ADAMTS15: variants seen among roughly 807,000 people sequenced by gnomAD.
ADAMTS15 encodes the protein A disintegrin and metalloproteinase with thrombospondin motifs 15.
In ADAMTS15, 35 loss-of-function variants were observed where a neutral mutation model predicts 79.1. That is an observed-to-expected ratio of 0.44 (90% CI 0.34 to 0.59). The LOEUF is 0.59. Among genes scored for constraint, ADAMTS15 ranks in the 20% least tolerant of loss-of-function variants. The pLI is 0.02. For missense variants in ADAMTS15, 1,324 were observed against 1,318.7 expected (o/e 1.00, Z -0.06); for synonymous variants, 616 against 567.3 (o/e 1.09, Z -1.22).
chr11:130,473,446 C>T lies in ADAMTS15; in HGVS notation c.2478C>T (p.Leu826=), dbSNP rs763378118. ...CCTCTGTCTTGCACAACAGCGTCCT[C>T]AGCCTCTCCAACCAGGTGGAGCAGC... The part of the protein sequence containing the change: ...RGPSVLHNSV[L]SLSNQVEQPD... The change falls in exon 8 of 8, where the codon CTC becomes CTT. Residue 826 remains leucine (L), a synonymous_variant. Transcript: ENST00000299164. 2 of 1,612,726 alleles carry T rather than the reference C, an allele frequency of 1.2e-6. No individual in the cohort carries two copies. Among genetic ancestry groups the T allele is most frequent in the Non-Finnish European group, 1.7e-6 (2 of 1,179,956 alleles).
Position 130,473,800 on chromosome 11 carries a change from C to T in ADAMTS15, c.2832C>T (p.Phe944=), listed in dbSNP as rs1373003727. Reference sequence around the variant, plus strand: ...ACCGCAAGCCCCAGGAGCTGGACTTCTGCGTCCTGAGGCCGTGCTGAGTGG... The same window carrying T: ...ACCGCAAGCCCCAGGAGCTGGACTTTTGCGTCCTGAGGCCGTGCTGAGTGG... ...NLHRKPQELD[F]CVLRPC The change falls in exon 8 of 8, where the codon TTC becomes TTT. Residue 944 remains phenylalanine, a synonymous_variant. Coordinates refer to ENST00000299164, the MANE Select transcript of ADAMTS15 (RefSeq NM_139055.4). 6.3e-7 allele frequency: 1 copy of T among 1,597,598 alleles called. No homozygotes were observed. Among genetic ancestry groups the T allele is most frequent in the East Asian group, 2.2e-5 (1 of 44,838 alleles).
chr11:130,462,533 C>G lies in ADAMTS15; in HGVS notation c.1295C>G (p.Ser432Cys). The change falls in exon 4 of 8, where the codon TCC (serine) becomes TGC (cysteine). Residue 432 changes from serine (S) to cysteine (C), a missense_variant. Transcript: ENST00000299164. The surrounding 1 kb of genome is among the most constrained non-coding windows in gnomAD (Gnocchi z 4.3). ...CLLDQPSKPISLPEDLPGASY... is the reference protein window; with the variant it reads ...CLLDQPSKPICLPEDLPGASY... Reference sequence around the variant, plus strand: ...CTGGACCAACCCAGCAAGCCCATCTCCCTGCCCGAGGATCTGCCGGGCGCC... The same window carrying G: ...CTGGACCAACCCAGCAAGCCCATCTGCCTGCCCGAGGATCTGCCGGGCGCC... 1 of 1,606,794 alleles carries G rather than the reference C, an allele frequency of 6.2e-7. No homozygotes were observed. Among genetic ancestry groups the G allele is most frequent in the Non-Finnish European group, 8.5e-7 (1 of 1,174,830 alleles).
intron 4 of ADAMTS15, among the ~76,000 whole-genome samples, chr11:130,467,062 G>C (rs936695474): frequency 2.6e-5 from 4 of 152,226 alleles, no homozygotes; most frequent in Admixed American, 2.6e-4. Flanking sequence ...ACTTCCACAA[G>C]TGTTTGGTGA....
chr11:130,470,765 C>A (rs1008830690), intron 5 of ADAMTS15, among the ~76,000 whole-genome samples, 155 bp from the exon 6 acceptor site: 57 of 152,096 alleles, frequency 3.7e-4, no homozygotes, highest in African/African-American at 1.4e-3. Flanking sequence ...TTGGGCCCAG[C>A]CTGCTTTAGT....
chr11:130,466,643 G>T (rs2134732402), intron 4 of ADAMTS15, among the ~76,000 whole-genome samples: 1 of 152,222 alleles, frequency 6.6e-6, no homozygotes, highest in South Asian at 2.1e-4. Flanking sequence ...GCCTCCAACT[G>T]GTCTCCCTGC....
rs57734988 is a variant in ADAMTS15 at position 130,462,061 on chromosome 11, C to T, written c.1091-26C>T. On this transcript the variant is annotated intron_variant, in intron 2 of 7. Coordinates refer to ENST00000299164, the MANE Select transcript of ADAMTS15 (RefSeq NM_139055.4). This position sits in a 1 kb window ranked among gnomAD's most constrained non-coding sequence, Gnocchi z 4.3. ...ACCCCCATGTCCTTCCTCCTGCCCT[C>T]TCAGTCCTCTTGCCTTACCCCACAG... is the stretch of plus-strand genomic sequence containing the variant. The T allele has an allele frequency of 1.1e-3, 1,777 of 1,600,662 alleles. 35 individuals are homozygous for T. The East Asian group carries it at 0.027, about 24-fold the overall frequency.
chr11:130,449,116 C>A lies in ADAMTS15; in HGVS notation c.143C>A (p.Ser48Tyr), dbSNP rs1433313938. The change falls in exon 1 of 8, where the codon TCC (serine) becomes TAC (tyrosine). Residue 48 changes from serine to tyrosine, a missense_variant. Transcript: ENST00000299164. The surrounding 1 kb of genome is among the most constrained non-coding windows in gnomAD (Gnocchi z 7.8). ...TACTACTGGCGGGGTCCCGAGGACT[C>A]CGGGGATCAGGGACTCATTTTTCAG... Reference protein sequence around the residue: ...RRYYWRGPEDSGDQGLIFQIT... With the variant: ...RRYYWRGPEDYGDQGLIFQIT... 1.9e-6 allele frequency: 3 copies of A among 1,589,210 alleles called. No homozygotes were observed. Among genetic ancestry groups the A allele is most frequent in the Non-Finnish European group, 2.6e-6 (3 of 1,163,992 alleles).
rs1424290375 is a variant in ADAMTS15, at chr11:130,473,813, C to G, written c.2845C>G (p.Pro949Ala). The G allele has an allele frequency of 6.3e-7, 1 of 1,594,564 alleles. No homozygotes were observed. Among genetic ancestry groups the G allele is most frequent in the Admixed American group, 1.7e-5 (1 of 59,814 alleles). Reference sequence around the variant, plus strand: ...GGAGCTGGACTTCTGCGTCCTGAGGCCGTGCTGAGTGGGGTCATCGCTTTC... The same window carrying G: ...GGAGCTGGACTTCTGCGTCCTGAGGGCGTGCTGAGTGGGGTCATCGCTTTC... The part of the protein sequence containing the change: ...PQELDFCVLR[P>A]C Residue 949 changes from proline to alanine, a missense_variant, in exon 8 of 8, where the codon CCG becomes GCG. Transcript: ENST00000299164.
chr11:130,451,338 T>C (rs938422446), intron 1 of ADAMTS15, among the ~76,000 whole-genome samples: 1 of 152,210 alleles, frequency 6.6e-6, no homozygotes, highest in Non-Finnish European at 1.5e-5. Flanking sequence ...TTGGCACAGC[T>C]AGTCCCTTCC....
Position 130,462,314 on chromosome 11 carries a change from CT to C in ADAMTS15, c.1258+61del, listed in dbSNP as rs1334287510. 2.6e-6 allele frequency: 4 copies of C among 1,545,250 alleles called. No homozygotes were observed. Among genetic ancestry groups the C allele is most frequent in the Non-Finnish European group, 3.5e-6 (4 of 1,144,166 alleles). On this transcript the variant is annotated intron_variant, in intron 3 of 7. Coordinates refer to ENST00000299164, the MANE Select transcript of ADAMTS15 (RefSeq NM_139055.4). This position sits in a 1 kb window ranked among gnomAD's most constrained non-coding sequence, Gnocchi z 4.3. The stretch of plus-strand genomic sequence containing the variant: ...CTCGGAGGGGGCTTTGCTGCTGCCC[CT>C]GGTGGAGGTGCTCACTTCTCCGTCC...
chr11:130,473,727 G>C lies in ADAMTS15; in HGVS notation c.2759G>C (p.Cys920Ser). 6.2e-7 allele frequency: 1 copy of C among 1,600,018 alleles called. No individual in the cohort carries two copies. Among genetic ancestry groups the C allele is most frequent in the Non-Finnish European group, 8.5e-7 (1 of 1,179,896 alleles). ...GGATTTCAGAGGCGCTCACTCAAGT[G>C]TGTGGGCCACGGAGGCCGGCTGCTG... is the stretch of plus-strand genomic sequence containing the variant. ...GRGFQRRSLK[C>S]VGHGGRLLAR... Residue 920 changes from cysteine (C) to serine (S), a missense_variant, in exon 8 of 8, where the codon TGT becomes TCT. By Grantham distance (112) the Cys-to-Ser change is moderately radical. Coordinates refer to ENST00000299164, the MANE Select transcript of ADAMTS15 (RefSeq NM_139055.4).
chr11:130,462,890 C>T lies in ADAMTS15; in HGVS notation c.1542+110C>T, dbSNP rs775195990. ...AGGAAGGTGCCTATCACAGACTGGC[C>T]ACGGGACCAGCACTGTTGCATGGCT... On this transcript the variant is annotated intron_variant, in intron 4 of 7. Transcript: ENST00000299164. This position sits in a 1 kb window ranked among gnomAD's most constrained non-coding sequence, Gnocchi z 4.3. 7.0e-7 allele frequency: 1 copy of T among 1,432,748 alleles called. No homozygotes were observed. The highest frequency in any genetic ancestry group is 9.4e-7 in the Non-Finnish European group (1 of 1,059,250). 88.8% of individuals were successfully genotyped at this position (1,432,748 alleles called of 1,614,324 possible).
chr11:130,470,136 A>G (rs193300883), intron 5 of ADAMTS15, among the ~76,000 whole-genome samples: 2,357 of 63,114 alleles, frequency 0.037, 117 homozygotes, highest in African/African-American at 0.11. Flanking sequence ...ATATATACAT[A>G]TATATATATA....
intron 1 of ADAMTS15, among the ~76,000 whole-genome samples, chr11:130,452,743 G>A (rs1447800077): frequency 6.6e-6 from 1 of 152,206 alleles, no homozygotes; most frequent in African/African-American, 2.4e-5. Context: ...AGCACTTTGG[G>A]AGGCCAAGAC....
chr11:130,453,152 G>T (rs962992869), intron 1 of ADAMTS15, among the ~76,000 whole-genome samples: 4 of 152,232 alleles, frequency 2.6e-5, no homozygotes, highest in African/African-American at 7.2e-5. Context: ...TCCAAGGGAC[G>T]GGAGCAGGAA....
At chr11:130,453,850 C>T (rs995714591) in intron 1 of ADAMTS15, among the ~76,000 whole-genome samples, 1 of 152,080 alleles carries the variant, frequency 6.6e-6, no homozygotes, top group Non-Finnish European at 1.5e-5. Flanking sequence ...TTTCCATGTC[C>T]TTTGAGTTGC....
intron 1 of ADAMTS15, among the ~76,000 whole-genome samples, chr11:130,451,870 TTG>T (rs1294990401): frequency 1.1e-4 from 16 of 152,200 alleles, no homozygotes; most frequent in Admixed American, 1.0e-3. Flanking sequence ...GGGGGCTGTG[TTG>T]TCCATGCATA....
chr11:130,461,755 G>A, intron 2 of ADAMTS15, 134 bp downstream of exon 2: 2 of 1,362,650 alleles, frequency 1.5e-6, no homozygotes, highest in South Asian at 1.4e-5. Context: ...AGCCTTAGCA[G>A]CAGCTTTGTA....
chr11:130,473,983 C>T lies in ADAMTS15; in HGVS notation c.*162C>T, dbSNP rs1026521070. 7 of 998,336 alleles carry T rather than the reference C, an allele frequency of 7.0e-6. No individual in the cohort carries two copies. Among genetic ancestry groups the T allele is most frequent in the Admixed American group, 5.8e-5 (2 of 34,656 alleles). The allele number at this position is 998,336 out of a possible 1,614,324, so 61.8% of individuals were successfully genotyped here. A position where few individuals can be genotyped will look rare whatever the true frequency, so the allele number is the denominator to read the frequency against. On this transcript the variant is annotated 3_prime_UTR_variant, in exon 8 of 8. Coordinates refer to ENST00000299164, the MANE Select transcript of ADAMTS15 (RefSeq NM_139055.4). ...GGCTGGGGCGAGAGGTTCCCTCCTC[C>T]TCCCTGGACTGGGCAGAGGGAAGCC...
Sources: gnomAD v4.1 joint callset for allele counts (sites outside exome capture counted in the v4.1 genomes callset) on GRCh38, gnomAD v4.1.1 for gene constraint, Gnocchi (gnomAD v3.1) non-coding constraint, MANE v1.5 for transcripts, NCBI Gene and HGNC (gene_info 2026-07-23, HGNC 2026-07-21) for gene names.